Variants in PKD1L3 observed in about 807,000 individuals in gnomAD.
The protein encoded by PKD1L3 is polycystin 1 like 3, transient receptor potential channel interacting, also known as polycystin-1-like protein 3.
A neutral mutation model predicts 184.1 loss-of-function variants in PKD1L3; 239 were observed. That is an observed-to-expected ratio of 1.30 (90% CI 1.17 to 1.45). The LOEUF (loss-of-function observed/expected upper bound fraction) is 1.45, where lower values mean the gene tolerates loss of function less well. PKD1L3 is among the 40% of genes most tolerant of loss of function. PKD1L3 has a pLI of 0.00. For missense variants in PKD1L3, 2,660 were observed against 2,067.2 expected (o/e 1.29, Z -5.56); for synonymous variants, 996 against 778.8 (o/e 1.28, Z -4.64).
intron 16 of PKD1L3, among the ~76,000 whole-genome samples, chr16:71,962,947 A>G (rs978534566): frequency 1.3e-5 from 2 of 152,178 alleles, no homozygotes; most frequent in African/African-American, 4.8e-5. Context: ...TAGTAAATTT[A>G]TAAATGATTC....
chr16:71,985,626 G>C (rs1439544681), intron 5 of PKD1L3, among the ~76,000 whole-genome samples: 1 of 152,036 alleles, frequency 6.6e-6, no homozygotes, highest in African/African-American at 2.4e-5. Flanking sequence ...ATAGAGAAAA[G>C]GTCTCATAAA....
At chr16:71,930,362 A>C in intron 28 of PKD1L3, 179 bp from the exon 29 acceptor site, 1 of 530,916 alleles carries the variant, frequency 1.9e-6, no homozygotes, top group East Asian at 3.3e-5. Context: ...AAGAGCAGGA[A>C]TGACTCATTT....
At chr16:71,983,290 G>A (rs917074000) in intron 6 of PKD1L3, among the ~76,000 whole-genome samples, 15 of 151,984 alleles carry the variant, frequency 9.9e-5, no homozygotes, top group Non-Finnish European at 1.5e-4. Flanking sequence ...GCAACTACAG[G>A]TGAGCACCAC....
intron 22 of PKD1L3, among the ~76,000 whole-genome samples, chr16:71,945,321 CATATATACACACACACACACAT>C (rs1283242458): frequency 2.4e-5 from 1 of 41,764 alleles, no homozygotes; most frequent in Admixed American, 2.8e-4. Flanking sequence ...CACACACACA[CATATATACACACACACACACAT>C]ATATTTATAT....
chr16:71,977,233 T>C lies in PKD1L3; in HGVS notation c.1759+3A>G, dbSNP rs1036698754. The stretch of plus-strand genomic sequence containing the variant: ...AAGTTTCTGACAGCTGATTGGGTTT[T>C]ACCTTTTTGCCACACCTTATCCTTT... On this transcript the variant is annotated splice_donor_region_variant and intron_variant, in intron 11 of 29. Transcript: ENST00000620267. The C allele has an allele frequency of 6.6e-7, 1 of 1,511,500 alleles. No homozygotes were observed. Among genetic ancestry groups the C allele is most frequent in the African/African-American group, 1.4e-5 (1 of 72,150 alleles). 93.6% of individuals were successfully genotyped at this position (1,511,500 alleles called of 1,614,324 possible).
intron 16 of PKD1L3, among the ~76,000 whole-genome samples, chr16:71,957,236 T>C (rs12925901): frequency 0.47 from 70,694 of 151,806 alleles, 17,177 homozygotes; most frequent in Middle Eastern, 0.57. Context: ...TAGGTGTGGG[T>C]AACTGTTGAA....
At chr16:71,990,377 G>A (rs2143839930) in intron 3 of PKD1L3, 48 bp from the exon 4 acceptor site, 1 of 1,442,552 alleles carries the variant, frequency 6.9e-7, no homozygotes, top group Non-Finnish European at 9.4e-7. Context: ...GCCTAAGACA[G>A]AAATATTCGT....
At position 71,929,642 on chromosome 16, in the gene PKD1L3, G is replaced by C. The variant is rs2037848345; in HGVS notation, c.5095C>G (p.Leu1699Val). ...AALIDTLLQK[L>V]SNLLGISWPQ... ...CAACTGATTCCTAACAAATTTGAGA[G>C]CTTCTGTAGCAGTGTATCTATTAGT... The change falls in exon 30 of 30, where the codon CTC (leucine) becomes GTC (valine). Residue 1699 changes from leucine (L) to valine (V), a missense_variant. Physicochemically the swap from Leu to Val is conservative, Grantham distance 32. Coordinates refer to ENST00000620267, the MANE Select transcript of PKD1L3 (RefSeq NM_181536.2). 1 of 1,551,570 alleles carries C rather than the reference G, an allele frequency of 6.4e-7. No homozygotes were observed. The highest frequency in any genetic ancestry group is 2.0e-5 in the Admixed American group (1 of 50,976).
chr16:71,942,783 G>GA lies in PKD1L3; in HGVS notation c.4100dup (p.Gln1368ProfsTer9). 6.4e-7 allele frequency: 1 copy of GA among 1,551,640 alleles called. No homozygotes were observed. Among genetic ancestry groups the GA allele is most frequent in the East Asian group, 2.4e-5 (1 of 40,914 alleles). ...CATAGGTCTTGGTACGGGGTATTTG[G>GA]AAAATTAATTGTACCCCACATTTGC... On this transcript the variant is annotated frameshift_variant, in exon 24 of 30. Transcript: ENST00000620267. LOFTEE classifies it high-confidence loss of function.
chr16:71,944,046 C>A lies in PKD1L3; in HGVS notation c.3843G>T (p.Leu1281=), dbSNP rs189342815. The A allele has an allele frequency of 1.9e-5, 30 of 1,551,542 alleles. No individual in the cohort carries two copies. In the Middle Eastern group the frequency reaches 5.0e-4, roughly 26 times the overall value. Residue 1281 remains leucine (L), a synonymous_variant, in exon 23 of 30, where the codon CTG becomes CTT. Transcript: ENST00000620267. Reference sequence around the variant, plus strand: ...TCTCCATACCCAAAATATCTCCAGTCAGCTTGAAGAGTTTCTTCTTTTTCA... The same window carrying A: ...TCTCCATACCCAAAATATCTCCAGTAAGCTTGAAGAGTTTCTTCTTTTTCA... ...RTLKKKKLFK[L]TGDILVQILF...
In PKD1L3 at chr16:72,000,382, G is replaced by A. The variant is rs1279190899; in HGVS notation, c.-404C>T. Among the ~76,000 whole-genome samples, 1 of 152,092 alleles carries A rather than the reference G, an allele frequency of 6.6e-6. No individual in the cohort carries two copies. The highest frequency in any genetic ancestry group is 1.5e-5 in the Non-Finnish European group (1 of 68,020). On this transcript the variant is annotated 5_prime_UTR_variant, in exon 1 of 30. Coordinates refer to ENST00000620267, the MANE Select transcript of PKD1L3 (RefSeq NM_181536.2). ...AGGGTCTCATTCTGTTGGTCAGGCT[G>A]GAGTGCAGTGGCATGATCTCAGCTC...
intron 16 of PKD1L3, among the ~76,000 whole-genome samples, chr16:71,957,338 T>C (rs1280478371): frequency 6.6e-6 from 1 of 151,874 alleles, no homozygotes; most frequent in African/African-American, 2.4e-5. Flanking sequence ...AATAGCAAAA[T>C]GGCAGATATA....
chr16:71,996,558 C>T (rs984306110), intron 2 of PKD1L3, among the ~76,000 whole-genome samples: 2 of 152,200 alleles, frequency 1.3e-5, no homozygotes, highest in East Asian at 1.9e-4. Flanking sequence ...CTGTGCCTGG[C>T]CCACATTGTC....
intron 6 of PKD1L3, 118 bp downstream of exon 6, chr16:71,983,918 C>T (rs2040260938): frequency 2.2e-6 from 3 of 1,364,262 alleles, no homozygotes; most frequent in Non-Finnish European, 2.9e-6. Context: ...CCGCCTCGGC[C>T]TTCTAAAGTG....
At chr16:71,936,036 T>C (rs2038163390) in intron 25 of PKD1L3, among the ~76,000 whole-genome samples, 1 of 151,976 alleles carries the variant, frequency 6.6e-6, no homozygotes. Flanking sequence ...CTTCAAGTGA[T>C]CTGCCTACCT....
chr16:71,933,224 G>A (rs1418586586), intron 28 of PKD1L3, among the ~76,000 whole-genome samples, 196 bp downstream of exon 28: 2 of 152,110 alleles, frequency 1.3e-5, no homozygotes, highest in Non-Finnish European at 2.9e-5. Flanking sequence ...GCTTAGGAAA[G>A]GGCAGGTTTC....
Position 71,973,465 on chromosome 16 carries a change from G to T in PKD1L3, c.1812C>A (p.Gly604=). 2 of 1,551,820 alleles carry T rather than the reference G, an allele frequency of 1.3e-6. No individual in the cohort carries two copies. The highest frequency in any genetic ancestry group is 1.7e-6 in the Non-Finnish European group (2 of 1,147,028). The part of the protein sequence containing the change: ...LNPEHLQHGI[G]TYYITAVLSE... ...TCAGCACAGCTGTTATATAGTAGGT[G>T]CCAATCCCGTGCTGCAGATGCTCTG... Residue 604 remains glycine, a synonymous_variant, in exon 12 of 30, where the codon GGC becomes GGA. Coordinates refer to ENST00000620267, the MANE Select transcript of PKD1L3 (RefSeq NM_181536.2).
chr16:71,981,114 C>T (rs1039453951), intron 7 of PKD1L3, among the ~76,000 whole-genome samples: 7 of 152,180 alleles, frequency 4.6e-5, no homozygotes, highest in African/African-American at 1.7e-4. Context: ...TTCTACTTAG[C>T]CATCCATTAG....
chr16:71,984,216 A>G (rs1206950682), intron 5 of PKD1L3, 49 bp from the exon 6 acceptor site: 13 of 1,522,354 alleles, frequency 8.5e-6, no homozygotes, highest in Non-Finnish European at 1.1e-5. Flanking sequence ...AAATTACTGT[A>G]CTGTAGTAGT....
Sources: allele counts gnomAD v4.1 joint callset (sites outside exome capture counted in the v4.1 genomes callset), GRCh38; gene constraint gnomAD v4.1.1; transcripts MANE v1.5; gene names NCBI Gene and HGNC (gene_info 2026-07-23, HGNC 2026-07-21).